KIAA1958: variants seen among roughly 807,000 people sequenced by gnomAD.
The protein encoded by KIAA1958 is uncharacterized protein KIAA1958.
In KIAA1958, 14 loss-of-function variants were observed where a neutral mutation model predicts 47.2. That is an observed-to-expected ratio of 0.30 (90% CI 0.20 to 0.46). KIAA1958 has a LOEUF of 0.46. Ranked by LOEUF, KIAA1958 falls within the 20% of genes least tolerant of loss-of-function variation. The pLI, the probability that KIAA1958 is intolerant of heterozygous loss-of-function variation, is 1.00. For missense variants in KIAA1958, 803 were observed against 909.2 expected, an observed-to-expected ratio of 0.88 and a Z score of 1.50; for synonymous variants, 354 against 353.3, an observed-to-expected ratio of 1.00 and a Z score of -0.02.
Position 112,587,799 on chromosome 9 carries a change from A to G in KIAA1958, c.1171+12548A>G, listed in dbSNP as rs1588029832. 1.3e-5 allele frequency among the ~76,000 whole-genome samples: 2 copies of G among 152,202 alleles called. 1 individual carries two copies. Among genetic ancestry groups the G allele is most frequent in the Admixed American group, 1.3e-4 (2 of 15,286 alleles). On this transcript the variant is annotated intron_variant, in intron 2 of 3. Transcript: ENST00000337530. ...ATGTCTCACCTTGGTTTTCACCCCA[A>G]TGCCAGCTCTTCAAAGGAAACTTGT...
chr9:112,529,414 C>T (rs116631963), intron 1 of KIAA1958, among the ~76,000 whole-genome samples: 1 of 152,058 alleles, frequency 6.6e-6, no homozygotes, highest in Non-Finnish European at 1.5e-5. Context: ...CTTTTTCTGT[C>T]CAGGACCCCA....
rs924119003 is a variant in KIAA1958 at position 112,530,550 on chromosome 9, T to C, written c.-25+43432T>C. 4.6e-5 allele frequency among the ~76,000 whole-genome samples: 7 copies of C among 152,232 alleles called. 1 individual carries two copies. The highest frequency in any genetic ancestry group is 4.6e-4 in the Admixed American group (7 of 15,284). ...ATTATTGGATTGGTTTTATTTTTTG[T>C]AGTGATTTATATAGCTACTTCTCAT... is the stretch of plus-strand genomic sequence containing the variant. On this transcript the variant is annotated intron_variant, in intron 1 of 3. Coordinates refer to ENST00000337530, the MANE Select transcript of KIAA1958 (RefSeq NM_133465.4).
chr9:112,561,390 T>G (rs1048149805), intron 1 of KIAA1958, among the ~76,000 whole-genome samples: 7 of 151,752 alleles, frequency 4.6e-5, no homozygotes, highest in Non-Finnish European at 2.9e-5. Context: ...TGCAGCAAAA[T>G]TATTTCTTGT....
chr9:112,569,906 GAGCCACTGC>G (rs1835504264), intron 1 of KIAA1958, among the ~76,000 whole-genome samples: 1 of 152,128 alleles, frequency 6.6e-6, no homozygotes, highest in African/African-American at 2.4e-5. Flanking sequence ...TTACAGGTGT[GAGCCACTGC>G]ACCTGGCCCA....
intron 1 of KIAA1958, among the ~76,000 whole-genome samples, chr9:112,519,261 G>T (rs1834495832): frequency 6.6e-6 from 1 of 152,086 alleles, no homozygotes; most frequent in Non-Finnish European, 1.5e-5. Flanking sequence ...TGATTTCTCT[G>T]TGGATTGCTC....
chr9:112,628,110 G>C (rs983457857), intron 2 of KIAA1958, among the ~76,000 whole-genome samples: 1 of 152,164 alleles, frequency 6.6e-6, no homozygotes. Flanking sequence ...AGAAAAGAAG[G>C]CTGCTTCCTG....
chr9:112,534,201 A>G (rs145175504), intron 1 of KIAA1958, among the ~76,000 whole-genome samples: 1 of 152,194 alleles, frequency 6.6e-6, no homozygotes, highest in Non-Finnish European at 1.5e-5. Context: ...ATTATTATAC[A>G]TGTCTCAAGA....
intron 1 of KIAA1958, among the ~76,000 whole-genome samples, chr9:112,555,189 G>A (rs909071601): frequency 5.9e-5 from 9 of 152,178 alleles, no homozygotes; most frequent in Admixed American, 3.9e-4. Flanking sequence ...TGGTTTGGAG[G>A]TGGTAGGCGT....
At chr9:112,563,065 G>GTCTCTCTCTCTC (rs1554724186) in intron 1 of KIAA1958, among the ~76,000 whole-genome samples, 23 of 126,626 alleles carry the variant, frequency 1.8e-4, no homozygotes, top group African/African-American at 6.1e-4. Flanking sequence ...CTCTGTCTCT[G>GTCTCTCTCTCTC]TCTCTCTCTC....
chr9:112,497,474 T>G (rs1349509653), intron 1 of KIAA1958, among the ~76,000 whole-genome samples: 3 of 152,194 alleles, frequency 2.0e-5, no homozygotes, highest in Admixed American at 1.3e-4. Context: ...AAACCAAGCC[T>G]GCCAACACTT....
At chr9:112,533,881 GC>G (rs1249045253) in intron 1 of KIAA1958, among the ~76,000 whole-genome samples, 1 of 152,154 alleles carries the variant, frequency 6.6e-6, no homozygotes, top group Non-Finnish European at 1.5e-5. Flanking sequence ...TACAATTCAA[GC>G]TGAGATTTTG....
intron 2 of KIAA1958, among the ~76,000 whole-genome samples, chr9:112,591,855 AT>A (rs1372177464): frequency 6.6e-6 from 1 of 151,850 alleles, no homozygotes; most frequent in Non-Finnish European, 1.5e-5. Context: ...CGAATATAAA[AT>A]TTTCTTTTTA....
chr9:112,611,568 CTGTT>C (rs888422500), intron 2 of KIAA1958, among the ~76,000 whole-genome samples: 8 of 151,288 alleles, frequency 5.3e-5, no homozygotes, highest in African/African-American at 1.9e-4. Flanking sequence ...AATCAAAAAG[CTGTT>C]TGGGAGATGC....
intron 2 of KIAA1958, chr9:112,619,018 A>G: frequency 1.7e-6 from 2 of 1,209,036 alleles, no homozygotes; most frequent in Non-Finnish European, 2.1e-6. Flanking sequence ...GTGTTAATTC[A>G]CTTTATAAAA....
intron 1 of KIAA1958, among the ~76,000 whole-genome samples, chr9:112,559,981 T>C (rs1835299122): frequency 6.6e-6 from 1 of 152,118 alleles, no homozygotes; most frequent in Non-Finnish European, 1.5e-5. Context: ...ACCTACTTAG[T>C]ATAAATTATA....
intron 1 of KIAA1958, among the ~76,000 whole-genome samples, chr9:112,567,260 C>G (rs971914627): frequency 6.6e-6 from 1 of 152,150 alleles, no homozygotes; most frequent in Admixed American, 6.5e-5. Context: ...AAAACTCCAA[C>G]AACAGTGGCT....
intron 1 of KIAA1958, among the ~76,000 whole-genome samples, chr9:112,566,959 A>G (rs530285020): frequency 6.6e-6 from 1 of 152,274 alleles, no homozygotes; most frequent in African/African-American, 2.4e-5. Context: ...ATGATTAATA[A>G]TATGCTCATA....
intron 2 of KIAA1958, among the ~76,000 whole-genome samples, chr9:112,639,672 G>T (rs1208907287): frequency 6.6e-6 from 1 of 152,112 alleles, no homozygotes; most frequent in African/African-American, 2.4e-5. Flanking sequence ...GTAACTGCTT[G>T]CCAGATTGCC....
chr9:112,655,929 G>A (rs139625693), intron 3 of KIAA1958, among the ~76,000 whole-genome samples: 1,841 of 152,306 alleles, frequency 0.012, 17 homozygotes, highest in Middle Eastern at 0.017. Flanking sequence ...AGTTAGATAA[G>A]TGTGCCTGGT....
Sources: allele counts gnomAD v4.1 joint callset (sites outside exome capture counted in the v4.1 genomes callset), GRCh38; gene constraint gnomAD v4.1.1; transcripts MANE v1.5; gene names NCBI Gene and HGNC (gene_info 2026-07-23, HGNC 2026-07-21).